The following TAMM41 variants were observed in gnomAD, a reference collection of about 807,000 sequenced individuals.
TAMM41 encodes the protein phosphatidate cytidylyltransferase, mitochondrial.
A neutral mutation model predicts 44.1 loss-of-function variants in TAMM41; 36 were observed. That is an observed-to-expected ratio of 0.82 (90% CI 0.63 to 1.08). The LOEUF (loss-of-function observed/expected upper bound fraction) is 1.08, where lower values mean the gene tolerates loss of function less well. Ranked by LOEUF, TAMM41 falls within the 50% of genes least tolerant of loss-of-function variation. The probability of loss-of-function intolerance (pLI) is 0.00; values close to 1 mark genes in which losing one functional copy is unlikely to be tolerated. For synonymous variants in TAMM41, 164 were observed against 153.1 expected, an observed-to-expected ratio of 1.07 and a Z score of -0.53; for missense variants, 417 against 404.3, an observed-to-expected ratio of 1.03 and a Z score of -0.27.
At chr3:11,786,032 G>A (rs2077414679), downstream of TAMM41, among the ~76,000 whole-genome samples, 1 of 151,996 alleles carries the variant, frequency 6.6e-6, no homozygotes, top group South Asian at 2.1e-4. Flanking sequence ...CTTCTGAACT[G>A]TGTACAAGTC....
the TAMM41 span, among the ~76,000 whole-genome samples, chr3:11,726,810 AAAAAAAAAG>A: frequency 6.6e-6 from 1 of 151,736 alleles, no homozygotes; most frequent in African/African-American, 2.4e-5. Context: ...CAAAAAAAAA[AAAAAAAAAG>A]AAAAAAGAAA....
intron 3 of TAMM41, among the ~76,000 whole-genome samples, chr3:11,831,115 T>C (rs747178038): frequency 2.0e-5 from 3 of 152,186 alleles, no homozygotes; most frequent in Admixed American, 2.0e-4. Flanking sequence ...ATGAGCTTCC[T>C]TGTGTGTGCT....
chr3:11,762,511 C>A, the TAMM41 span, among the ~76,000 whole-genome samples: 1 of 152,174 alleles, frequency 6.6e-6, no homozygotes, highest in African/African-American at 2.4e-5. Context: ...CAAGCTCTGG[C>A]ATAAAATATG....
the TAMM41 span, among the ~76,000 whole-genome samples, chr3:11,740,849 A>AG: frequency 1 from 147,777 of 147,814 alleles, 73,870 homozygotes; most frequent in Middle Eastern, 1. Flanking sequence ...TACAGGCGTG[A>AG]CGACTGTTCC....
rs978780782 is a variant in TAMM41 at position 11,844,215 on chromosome 3, T to C, written c.136-4A>G. 2 of 1,611,794 alleles carry C rather than the reference T, an allele frequency of 1.2e-6. No homozygotes were observed. The highest frequency in any genetic ancestry group is 1.7e-6 in the Non-Finnish European group (2 of 1,178,922). ...ACACAAAGTCCAGCATAGCATTCTGTGGAGTGAAGAAAAGAGAATAATTTC... is the reference window on the plus strand; with the variant it reads ...ACACAAAGTCCAGCATAGCATTCTGCGGAGTGAAGAAAAGAGAATAATTTC... On this transcript the variant is annotated splice_polypyrimidine_tract_variant and splice_region_variant and intron_variant, in intron 1 of 7. Transcript: ENST00000455809.
At chr3:11,815,096 A>G (rs6779025) in intron 5 of TAMM41, among the ~76,000 whole-genome samples, 87,231 of 152,070 alleles carry the variant, frequency 0.57, 27,022 homozygotes, top group African/African-American at 0.79. Flanking sequence ...ACTATCTATC[A>G]AAGGGAGGGT....
In TAMM41 at chr3:11,839,235, C is replaced by T. The variant is rs747219108; in HGVS notation, c.398G>A (p.Arg133Gln). ...TAAAACACTCACCGGTTTTTGGAGT[C>T]GTCCAGCAATGTATAAGTTATTCCA... Reference protein sequence around the residue: ...LNWNNLYIAGRLQKPVKIISV... With the variant: ...LNWNNLYIAGQLQKPVKIISV... Residue 133 changes from arginine to glutamine, a missense_variant, in exon 3 of 8, where the codon CGA becomes CAA. Transcript: ENST00000455809. 9 of 1,611,996 alleles carry T rather than the reference C, an allele frequency of 5.6e-6. No homozygotes were observed. The East Asian group carries it at 1.1e-4, about 20-fold the overall frequency.
the TAMM41 span, among the ~76,000 whole-genome samples, chr3:11,728,653 C>A: frequency 6.6e-6 from 1 of 152,136 alleles, no homozygotes; most frequent in Non-Finnish European, 1.5e-5. Flanking sequence ...GCCCCTCTGG[C>A]GATTAGTCGA....
chr3:11,750,113 G>C, the TAMM41 span, among the ~76,000 whole-genome samples: 1 of 151,936 alleles, frequency 6.6e-6, no homozygotes, highest in Non-Finnish European at 1.5e-5. Flanking sequence ...AGCCAGGATG[G>C]TCTCGATCTC....
intron 4 of TAMM41, among the ~76,000 whole-genome samples, chr3:11,824,196 AAT>A (rs2078648022): frequency 6.8e-6 from 1 of 146,898 alleles, no homozygotes; most frequent in Non-Finnish European, 1.5e-5. Flanking sequence ...ATGATTTGTA[AAT>A]ATTTTTTTTT....
chr3:11,755,630 C>T, the TAMM41 span, among the ~76,000 whole-genome samples: 7,505 of 152,174 alleles, frequency 0.049, 362 homozygotes, highest in African/African-American at 0.12. Context: ...GGGCATTTCA[C>T]GTGCCCTTGG....
chr3:11,824,907 A>T (rs2078680355), intron 4 of TAMM41, among the ~76,000 whole-genome samples: 1 of 152,104 alleles, frequency 6.6e-6, no homozygotes, highest in East Asian at 1.9e-4. Context: ...GGAGTGGTGG[A>T]GTTGCAGTAG....
At chr3:11,724,046 G>A in the TAMM41 span, among the ~76,000 whole-genome samples, 1 of 151,294 alleles carries the variant, frequency 6.6e-6, no homozygotes, top group Non-Finnish European at 1.5e-5. Context: ...TGTTTGGATT[G>A]TTTCATAGCA....
intron 3 of TAMM41, among the ~76,000 whole-genome samples, chr3:11,837,373 G>A (rs2079225623): frequency 6.6e-6 from 1 of 151,206 alleles, no homozygotes; most frequent in Non-Finnish European, 1.5e-5. Flanking sequence ...ACTATGGAAA[G>A]ACCCTTTCTC....
chr3:11,830,907 T>C (rs1340817461), intron 3 of TAMM41: 1 of 150,376 alleles, frequency 6.6e-6, no homozygotes, highest in African/African-American at 2.5e-5. Context: ...TACTAAGAGC[T>C]TCAGTCTGTT....
At chr3:11,794,509 T>C (rs1251490818) in intron 7 of TAMM41, among the ~76,000 whole-genome samples, 1 of 152,200 alleles carries the variant, frequency 6.6e-6, no homozygotes, top group African/African-American at 2.4e-5. Flanking sequence ...CCCCAGTGGA[T>C]AAAAATGCAA....
chr3:11,757,658 G>A, the TAMM41 span, among the ~76,000 whole-genome samples: 2 of 152,314 alleles, frequency 1.3e-5, no homozygotes, highest in East Asian at 1.9e-4. Context: ...ATGAACTGCC[G>A]GCCACAGACA....
intron 7 of TAMM41, among the ~76,000 whole-genome samples, chr3:11,792,214 T>G (rs1445664862): frequency 6.6e-6 from 1 of 152,150 alleles, no homozygotes; most frequent in Non-Finnish European, 1.5e-5. Flanking sequence ...AAATCTCCCT[T>G]GACTAAAACA....
rs1369906188 is a variant in TAMM41, at chr3:11,823,801, C to T, written c.562+5913G>A. 2.7e-5 allele frequency among the ~76,000 whole-genome samples: 4 copies of T among 147,304 alleles called. No individual in the cohort carries two copies. In the East Asian group the frequency reaches 8.2e-4, roughly 30 times the overall value. Reference sequence around the variant, plus strand: ...TCAGCCTCCCTAGTAGCTGGGACTACAGGTCAGGTGTGTACCACCATGCCC... The same window carrying T: ...TCAGCCTCCCTAGTAGCTGGGACTATAGGTCAGGTGTGTACCACCATGCCC... On this transcript the variant is annotated intron_variant, in intron 4 of 7. Transcript: ENST00000455809.
Sources: gnomAD v4.1 joint callset for allele counts (sites outside exome capture counted in the v4.1 genomes callset) on GRCh38, gnomAD v4.1.1 for gene constraint, MANE v1.5 for transcripts, NCBI Gene and HGNC (gene_info 2026-07-23, HGNC 2026-07-21) for gene names.